Variants in CDKAL1 observed in about 807,000 individuals in gnomAD.
The protein encoded by CDKAL1 is CDKAL1 threonylcarbamoyladenosine tRNA methylthiotransferase, also known as threonylcarbamoyladenosine tRNA methylthiotransferase.
A neutral mutation model predicts 68.2 loss-of-function variants in CDKAL1; 32 were observed. That is an observed-to-expected ratio of 0.47 (90% CI 0.35 to 0.63). CDKAL1 has a LOEUF of 0.63. Ranked by LOEUF, CDKAL1 falls within the 30% of genes least tolerant of loss-of-function variation. The pLI is 0.00. For synonymous variants in CDKAL1, 234 were observed against 244.3 expected, an observed-to-expected ratio of 0.96 and a Z score of 0.39; for missense variants, 606 against 696.7, an observed-to-expected ratio of 0.87 and a Z score of 1.47.
At chr6:20,761,630 C>T (rs1774471974) in intron 7 of CDKAL1, among the ~76,000 whole-genome samples, 1 of 152,046 alleles carries the variant, frequency 6.6e-6, no homozygotes, top group Non-Finnish European at 1.5e-5. Flanking sequence ...CATAGAGGGA[C>T]TTTAAATGCA....
chr6:20,825,540 G>A (rs915949735), intron 8 of CDKAL1, among the ~76,000 whole-genome samples: 1 of 152,000 alleles, frequency 6.6e-6, no homozygotes, highest in Non-Finnish European at 1.5e-5. Flanking sequence ...AGGGTTTGGT[G>A]GGGTTTTTTG....
At chr6:20,573,224 G>A (rs1407758628) in intron 4 of CDKAL1, among the ~76,000 whole-genome samples, 1 of 152,024 alleles carries the variant, frequency 6.6e-6, no homozygotes, top group East Asian at 1.9e-4. Flanking sequence ...CAATGTTGTT[G>A]TTGTCATTTT....
chr6:20,976,069 T>C (rs1468116471), intron 10 of CDKAL1, among the ~76,000 whole-genome samples: 2 of 152,206 alleles, frequency 1.3e-5, no homozygotes, highest in Non-Finnish European at 2.9e-5. Context: ...ACCCCTGCTC[T>C]TTTTACTGTC....
At chr6:20,770,776 T>TTGTTTTTA in intron 7 of CDKAL1, among the ~76,000 whole-genome samples, 3 of 152,212 alleles carry the variant, frequency 2.0e-5, no homozygotes, top group Non-Finnish European at 2.9e-5. Flanking sequence ...GGCTTTTAAC[T>TTGTTTTTA]AGCTTGGTTT....
At chr6:20,746,329 G>T (rs1214390222) in intron 6 of CDKAL1, among the ~76,000 whole-genome samples, 2 of 152,224 alleles carry the variant, frequency 1.3e-5, no homozygotes, top group African/African-American at 4.8e-5. Context: ...CTTTGGGGAA[G>T]AATCTTTTTG....
chr6:20,816,119 G>GT (rs1257069137), intron 8 of CDKAL1, among the ~76,000 whole-genome samples: 5 of 24,694 alleles, frequency 2.0e-4, no homozygotes, highest in African/African-American at 6.8e-4. Flanking sequence ...GCCTTAATAT[G>GT]TCCCCCCCCC....
At chr6:21,203,107 TG>T (rs1409952616) in intron 15 of CDKAL1, among the ~76,000 whole-genome samples, 1 of 151,612 alleles carries the variant, frequency 6.6e-6, no homozygotes, top group Admixed American at 6.6e-5. Flanking sequence ...TGGAGTGCAA[TG>T]GTGTGATCAC....
intron 10 of CDKAL1, among the ~76,000 whole-genome samples, chr6:20,956,239 T>G (rs969952431): frequency 3.9e-5 from 6 of 152,216 alleles, no homozygotes; most frequent in Non-Finnish European, 7.3e-5. Context: ...TGAACAAAGG[T>G]GATTCTGAGA....
intron 12 of CDKAL1, among the ~76,000 whole-genome samples, chr6:21,083,798 T>C (rs1042720018): frequency 1.3e-5 from 2 of 152,212 alleles, no homozygotes; most frequent in African/African-American, 4.8e-5. Context: ...GATATTGACA[T>C]TTTTAAGAAT....
chr6:20,557,674 C>A (rs1764111020), intron 4 of CDKAL1, among the ~76,000 whole-genome samples: 1 of 152,134 alleles, frequency 6.6e-6, no homozygotes, highest in African/African-American at 2.4e-5. Flanking sequence ...TGCCTCTAAT[C>A]CCAGCACTTT....
intron 5 of CDKAL1, among the ~76,000 whole-genome samples, chr6:20,712,436 G>C (rs1771888879): frequency 6.6e-6 from 1 of 150,614 alleles, no homozygotes; most frequent in African/African-American, 2.4e-5. Flanking sequence ...GGTGTTTCAG[G>C]ACTATTTTAA....
At chr6:20,732,553 C>T (rs1035050760) in intron 5 of CDKAL1, among the ~76,000 whole-genome samples, 4 of 151,724 alleles carry the variant, frequency 2.6e-5, no homozygotes, top group Admixed American at 2.6e-4. Context: ...TCCCAAAGTG[C>T]TAGGATTACA....
intron 7 of CDKAL1, among the ~76,000 whole-genome samples, chr6:20,761,892 C>T (rs1041306119): frequency 2.0e-5 from 3 of 152,072 alleles, no homozygotes; most frequent in Non-Finnish European, 2.9e-5. Context: ...CAACACCAAG[C>T]GTGAACCCTA....
At chr6:20,971,395 C>T (rs1195527462) in intron 10 of CDKAL1, among the ~76,000 whole-genome samples, 2 of 151,922 alleles carry the variant, frequency 1.3e-5, no homozygotes, top group Admixed American at 6.6e-5. Flanking sequence ...ATTTGTTGAT[C>T]GGAAAGATAT....
chr6:20,716,553 C>CAG (rs3060781), intron 5 of CDKAL1, among the ~76,000 whole-genome samples: 45,714 of 151,582 alleles, frequency 0.3, 8,738 homozygotes, highest in African/African-American at 0.53. Flanking sequence ...AGAGAGCAAT[C>CAG]GGGTAACTGC....
chr6:20,668,888 A>C (rs1163724290), intron 5 of CDKAL1, among the ~76,000 whole-genome samples: 1 of 152,172 alleles, frequency 6.6e-6, no homozygotes, highest in Admixed American at 6.5e-5. Flanking sequence ...AACATTGGTC[A>C]GTTTGCATTT....
intron 9 of CDKAL1, among the ~76,000 whole-genome samples, chr6:20,947,637 C>G (rs1460041186): frequency 6.6e-6 from 1 of 152,042 alleles, no homozygotes; most frequent in African/African-American, 2.4e-5. Flanking sequence ...AAGAAAAAAG[C>G]ATTTCATACA....
chr6:21,111,155 A>G (rs939218862), intron 13 of CDKAL1, among the ~76,000 whole-genome samples: 1 of 152,196 alleles, frequency 6.6e-6, no homozygotes, highest in Non-Finnish European at 1.5e-5. Flanking sequence ...AGTAAAATAA[A>G]CTATGGTCTG....
chr6:21,171,472 AAAGTGCT>A (rs1235405451), intron 13 of CDKAL1, among the ~76,000 whole-genome samples: 1 of 152,086 alleles, frequency 6.6e-6, no homozygotes, highest in Non-Finnish European at 1.5e-5. Context: ...TTGGCCTCCC[AAAGTGCT>A]GGGATTACAG....
Sources: gnomAD v4.1 joint callset for allele counts (sites outside exome capture counted in the v4.1 genomes callset) on GRCh38, gnomAD v4.1.1 for gene constraint, MANE v1.5 for transcripts, NCBI Gene and HGNC (gene_info 2026-07-23, HGNC 2026-07-21) for gene names.